TECPR2: variants seen among roughly 807,000 people sequenced by gnomAD.
The protein encoded by TECPR2 is tectonin beta-propeller repeat containing 2, also known as tectonin beta-propeller repeat-containing protein 2.
TECPR2 carries 65 observed loss-of-function variants against 138.1 expected under a neutral mutation model. The observed-to-expected ratio is 0.47, with a 90% CI of 0.39 to 0.58. The LOEUF (loss-of-function observed/expected upper bound fraction) is 0.58, where lower values mean the gene tolerates loss of function less well. TECPR2 is among the 20% of genes least tolerant of loss of function. TECPR2 has a pLI of 0.00. For synonymous variants in TECPR2, 746 were observed against 749.8 expected (o/e 0.99, Z 0.08); for missense variants, 1,553 against 1,824.5 (o/e 0.85, Z 2.71).
At position 102,499,127 on chromosome 14, in the gene TECPR2, G is replaced by A. The variant is rs949364423; in HGVS notation, c.*870G>A. 4.3e-6 allele frequency: 3 copies of A among 702,958 alleles called. No individual in the cohort carries two copies. Among genetic ancestry groups the A allele is most frequent in the Non-Finnish European group, 7.8e-6 (3 of 385,024 alleles). 43.5% of individuals were successfully genotyped at this position (702,958 alleles called of 1,614,324 possible). On this transcript the variant is annotated 3_prime_UTR_variant, in exon 20 of 20. Coordinates refer to ENST00000359520, the MANE Select transcript of TECPR2 (RefSeq NM_014844.5). ...TTCAGCTGAAACAGTAAAGCCTGAT[G>A]GGTGCAAATGGAACCTGGATGTGTG...
At chr14:102,439,008 C>T (rs1855198148) in intron 10 of TECPR2, among the ~76,000 whole-genome samples, 1 of 151,908 alleles carries the variant, frequency 6.6e-6, no homozygotes, top group African/African-American at 2.4e-5. Flanking sequence ...ACTACAGGCA[C>T]CCGCCACCAC....
chr14:102,488,603 C>A (rs1336179855), intron 17 of TECPR2, among the ~76,000 whole-genome samples: 1 of 152,010 alleles, frequency 6.6e-6, no homozygotes, highest in African/African-American at 2.4e-5. Flanking sequence ...CTCAGCCTCC[C>A]GAAGTGCTGG....
chr14:102,436,096 A>G (rs192253699), intron 9 of TECPR2, among the ~76,000 whole-genome samples: 9 of 152,318 alleles, frequency 5.9e-5, no homozygotes, highest in Non-Finnish European at 1.2e-4. Flanking sequence ...TTCTCTAAAC[A>G]CGAACTATAA....
intron 2 of TECPR2, among the ~76,000 whole-genome samples, chr14:102,394,247 G>A (rs147308359): frequency 4.6e-4 from 70 of 152,204 alleles, no homozygotes; most frequent in East Asian, 1.9e-3. Flanking sequence ...GCAGAACAGG[G>A]CCTCTGGAGA....
chr14:102,472,735 C>T (rs1159497222), intron 17 of TECPR2, among the ~76,000 whole-genome samples: 1 of 152,192 alleles, frequency 6.6e-6, no homozygotes, highest in Non-Finnish European at 1.5e-5. Context: ...TAGAAAAGTC[C>T]GTAGTTCCCC....
chr14:102,398,791 G>A (rs1888388349), intron 2 of TECPR2, among the ~76,000 whole-genome samples: 1 of 152,120 alleles, frequency 6.6e-6, no homozygotes, highest in Non-Finnish European at 1.5e-5. Flanking sequence ...GAAGGTCGAG[G>A]CTGCAGTGAG....
At chr14:102,429,099 C>T (rs1056950339) in intron 7 of TECPR2, among the ~76,000 whole-genome samples, 11 of 152,100 alleles carry the variant, frequency 7.2e-5, no homozygotes, top group Non-Finnish European at 1.3e-4. Flanking sequence ...CGCCTGCCTC[C>T]GCCTCCCAAA....
At chr14:102,493,345 C>T (rs921385464) in intron 17 of TECPR2, among the ~76,000 whole-genome samples, 4 of 152,146 alleles carry the variant, frequency 2.6e-5, no homozygotes, top group Non-Finnish European at 4.4e-5. Context: ...GTGGGGAAGG[C>T]GGGAGCCTGG....
chr14:102,404,677 A>G (rs547301413), intron 2 of TECPR2, among the ~76,000 whole-genome samples: 1 of 151,878 alleles, frequency 6.6e-6, no homozygotes, highest in Non-Finnish European at 1.5e-5. Flanking sequence ...CCTAGGTTCA[A>G]ATGATGCTCC....
At chr14:102,404,455 A>T (rs1259602365) in intron 2 of TECPR2, among the ~76,000 whole-genome samples, 1 of 152,168 alleles carries the variant, frequency 6.6e-6, no homozygotes, top group Non-Finnish European at 1.5e-5. Flanking sequence ...GAAACAGTGT[A>T]TTGGACTTGG....
intron 8 of TECPR2, among the ~76,000 whole-genome samples, chr14:102,433,808 G>A (rs1351950027): frequency 6.6e-6 from 1 of 152,102 alleles, no homozygotes; most frequent in Admixed American, 6.6e-5. Flanking sequence ...TTATGAGCGT[G>A]AACCACCGTG....
chr14:102,394,080 C>T (rs1204159765), intron 2 of TECPR2, among the ~76,000 whole-genome samples: 1 of 152,292 alleles, frequency 6.6e-6, no homozygotes. Context: ...CCCTTCAAAG[C>T]AATGCCAGTG....
At chr14:102,483,796 T>TC (rs1890951230) in intron 17 of TECPR2, among the ~76,000 whole-genome samples, 1 of 143,154 alleles carries the variant, frequency 7.0e-6, no homozygotes, top group African/African-American at 2.6e-5. Flanking sequence ...CTTTTCTTTT[T>TC]TTTTTTTTTT....
At position 102,440,416 on chromosome 14, in the gene TECPR2, T is replaced by C; in HGVS notation, c.2579-20T>C. On this transcript the variant is annotated intron_variant, in intron 10 of 19. Coordinates refer to ENST00000359520, the MANE Select transcript of TECPR2 (RefSeq NM_014844.5). ...ATTCTAGTATTTATTGGACAGTGAA[T>C]AGAATTTTTATTTCCATAGGAGCCC... 1 of 1,612,726 alleles carries C rather than the reference T, an allele frequency of 6.2e-7. No individual in the cohort carries two copies. The highest frequency in any genetic ancestry group is 1.1e-5 in the South Asian group (1 of 90,962).
chr14:102,441,891 AGG>A (rs1889845810), intron 11 of TECPR2, among the ~76,000 whole-genome samples: 4 of 152,342 alleles, frequency 2.6e-5, no homozygotes, highest in South Asian at 4.1e-4. Flanking sequence ...ACTGTGGGGC[AGG>A]AGTTATCGTC....
In TECPR2 at chr14:102,376,823, C is replaced by G. The variant is rs1887650705; in HGVS notation, c.102C>G (p.Ile34Met). ...AGATCCAGAAGGGTTTCCGCTCTAT[C>G]GTGGTCTATCTCACGGCCCTCGACA... ...PTKIQKGFRSIVVYLTALDTN... is the reference protein window; with the variant it reads ...PTKIQKGFRSMVVYLTALDTN... The change falls in exon 2 of 20, where the codon ATC (isoleucine) becomes ATG (methionine). Residue 34 changes from isoleucine to methionine, a missense_variant. Coordinates refer to ENST00000359520, the MANE Select transcript of TECPR2 (RefSeq NM_014844.5). 1 of 1,614,076 alleles carries G rather than the reference C, an allele frequency of 6.2e-7. No individual in the cohort carries two copies. Among genetic ancestry groups the G allele is most frequent in the Admixed American group, 1.7e-5 (1 of 60,000 alleles).
intron 17 of TECPR2, among the ~76,000 whole-genome samples, chr14:102,477,537 C>A (rs1364647611): frequency 4.0e-5 from 6 of 148,970 alleles, no homozygotes; most frequent in African/African-American, 1.2e-4. Context: ...TGTCAGCATA[C>A]CCCTGTAGAG....
At chr14:102,448,256 G>A (rs976827419) in intron 13 of TECPR2, among the ~76,000 whole-genome samples, 11 of 152,156 alleles carry the variant, frequency 7.2e-5, no homozygotes, top group Admixed American at 3.9e-4. Context: ...CACTGTGCCC[G>A]ACCAGGAGTA....
chr14:102,388,012 GA>G (rs1888060630), intron 2 of TECPR2, among the ~76,000 whole-genome samples: 1 of 152,206 alleles, frequency 6.6e-6, no homozygotes, highest in Non-Finnish European at 1.5e-5. Flanking sequence ...TCATGCTTCA[GA>G]ATGTTACAAG....
Sources: gnomAD v4.1 joint callset for allele counts (sites outside exome capture counted in the v4.1 genomes callset) on GRCh38, gnomAD v4.1.1 for gene constraint, MANE v1.5 for transcripts, NCBI Gene and HGNC (gene_info 2026-07-23, HGNC 2026-07-21) for gene names.